ZFHX3: variants seen among roughly 807,000 people sequenced by gnomAD.
The protein encoded by ZFHX3 is zinc finger homeobox protein 3.
In ZFHX3, 42 loss-of-function variants were observed where a neutral mutation model predicts 279.1. The ratio of observed to expected loss-of-function variants is 0.15; its 90% CI spans 0.12 to 0.19. The LOEUF is 0.19. Among genes scored for constraint, ZFHX3 ranks in the 10% least tolerant of loss-of-function variants. The pLI is 1.00. For missense variants in ZFHX3, 4,981 were observed against 4,754.0 expected (o/e 1.05, Z -1.40); for synonymous variants, 2,293 against 1,957.8 (o/e 1.17, Z -4.52).
At chr16:73,890,056 T>G (rs1486484172) in intron 1 of ZFHX3, among the ~76,000 whole-genome samples, 1 of 152,158 alleles carries the variant, frequency 6.6e-6, no homozygotes, top group African/African-American at 2.4e-5. Flanking sequence ...ATTTCTATAC[T>G]GATTTGTCTA....
Position 72,957,794 on chromosome 16 carries a change from GGCTGCCGCCGCCGCC to G in ZFHX3, c.2337_2351del (p.Ala780_Ala784del). 1 of 1,610,812 alleles carries G rather than the reference GGCTGCCGCCGCCGCC, an allele frequency of 6.2e-7. No individual in the cohort carries two copies. The highest frequency in any genetic ancestry group is 8.5e-7 in the Non-Finnish European group (1 of 1,178,722). ...GGGCCCCGCAGGAGCTACTGATATT[GGCTGCCGCCGCCGCC>G]GCAGCCACCGCCGCCGCCGCCGCCC... On this transcript the variant is annotated inframe_deletion, in exon 2 of 10. Coordinates refer to ENST00000268489, the MANE Select transcript of ZFHX3 (RefSeq NM_006885.4).
chr16:72,909,836 C>CCACT (rs2144178883), intron 3 of ZFHX3, among the ~76,000 whole-genome samples: 1 of 146,394 alleles, frequency 6.8e-6, no homozygotes, highest in East Asian at 2.0e-4. Context: ...CAAGATCGTG[C>CCACT]CACTGCACTC....
intron 5 of ZFHX3, among the ~76,000 whole-genome samples, chr16:73,205,753 C>T (rs970416421): frequency 3.9e-5 from 6 of 152,144 alleles, no homozygotes; most frequent in Non-Finnish European, 2.9e-5. Context: ...GTCCTTAGCG[C>T]TCATCATTCT....
chr16:73,836,952 T>C (rs751994198), intron 1 of ZFHX3, among the ~76,000 whole-genome samples: 10 of 152,234 alleles, frequency 6.6e-5, no homozygotes, highest in Non-Finnish European at 1.0e-4. Context: ...TTCTCTGCCA[T>C]GTTATAACGT....
chr16:73,308,233 AT>A (rs2015229264), intron 4 of ZFHX3, among the ~76,000 whole-genome samples: 1 of 3,986 alleles, frequency 2.5e-4, no homozygotes. Flanking sequence ...GCATATATAT[AT>A]ATATATATAT....
chr16:72,914,081 C>T (rs1211472423), intron 3 of ZFHX3, among the ~76,000 whole-genome samples: 2 of 152,152 alleles, frequency 1.3e-5, no homozygotes, highest in Non-Finnish European at 2.9e-5. Flanking sequence ...TGAACCCAGG[C>T]CCCCTGGCTC....
At chr16:73,492,411 T>G (rs926390552) in intron 2 of ZFHX3, among the ~76,000 whole-genome samples, 2 of 152,186 alleles carry the variant, frequency 1.3e-5, no homozygotes. Flanking sequence ...TAATAATGGT[T>G]TACTGCTATT....
chr16:72,792,993 G>A (rs1299662553), intron 9 of ZFHX3, among the ~76,000 whole-genome samples: 1 of 152,212 alleles, frequency 6.6e-6, no homozygotes, highest in Non-Finnish European at 1.5e-5. Context: ...AAATTAGTAT[G>A]CCAGGACCCT....
At chr16:73,654,183 CAAAAAAAAA>C (rs35720246) in intron 2 of ZFHX3, among the ~76,000 whole-genome samples, 1 of 89,012 alleles carries the variant, frequency 1.1e-5, no homozygotes, top group Admixed American at 1.2e-4. Flanking sequence ...GACTCAGTCT[CAAAAAAAAA>C]AAAAAAAAGA....
Position 72,787,500 on chromosome 16 carries a change from G to T in ZFHX3, c.10776C>A (p.His3592Gln), listed in dbSNP as rs757719126. 12 of 1,613,838 alleles carry T rather than the reference G, an allele frequency of 7.4e-6. No individual in the cohort carries two copies. The South Asian group carries it at 1.3e-4, about 18-fold the overall frequency. ...STASTSQSAA[H>Q]SNDSPPPPSA... The stretch of plus-strand genomic sequence containing the variant: ...ACGGGGGAGGGGGGCTGTCGTTTGA[G>T]TGAGCGGCAGACTGCGAGGTAGATG... The change falls in exon 10 of 10, where the codon CAC (histidine) becomes CAA (glutamine). Residue 3592 changes from histidine (H) to glutamine (Q), a missense_variant. His to Gln is a conservative substitution (Grantham distance 24, BLOSUM62 0). Transcript: ENST00000268489.
intron 3 of ZFHX3, among the ~76,000 whole-genome samples, chr16:73,348,556 C>T (rs2143277932): frequency 6.6e-6 from 1 of 152,320 alleles, no homozygotes; most frequent in East Asian, 1.9e-4. Context: ...TACTGATGGG[C>T]TTCACCCGGA....
chr16:73,349,274 C>T (rs1437728410), intron 3 of ZFHX3, among the ~76,000 whole-genome samples: 2 of 152,170 alleles, frequency 1.3e-5, no homozygotes, highest in Non-Finnish European at 2.9e-5. Context: ...TGTCACACAC[C>T]ATCCTCACAC....
intron 5 of ZFHX3, among the ~76,000 whole-genome samples, chr16:73,154,265 A>G (rs1967018668): frequency 6.6e-6 from 1 of 152,060 alleles, no homozygotes; most frequent in African/African-American, 2.4e-5. Context: ...CACAGATCTC[A>G]GTGTTGTCTT....
chr16:73,193,563 G>T (rs1389184453), intron 5 of ZFHX3, among the ~76,000 whole-genome samples: 1 of 152,122 alleles, frequency 6.6e-6, no homozygotes, highest in Non-Finnish European at 1.5e-5. Context: ...GCAAGTTAAG[G>T]TATATATTAT....
chr16:73,769,889 C>A (rs2053998174), intron 1 of ZFHX3, among the ~76,000 whole-genome samples: 2 of 152,196 alleles, frequency 1.3e-5, no homozygotes, highest in African/African-American at 2.4e-5. Context: ...CCCCACTGCA[C>A]AGCTACAGCT....
At chr16:73,239,350 T>C (rs2013048824) in intron 5 of ZFHX3, among the ~76,000 whole-genome samples, 1 of 152,210 alleles carries the variant, frequency 6.6e-6, no homozygotes, top group African/African-American at 2.4e-5. Flanking sequence ...GTAGAAACTT[T>C]GGAGTTAATT....
chr16:73,365,666 A>T (rs1009236319), intron 3 of ZFHX3, among the ~76,000 whole-genome samples: 1 of 152,200 alleles, frequency 6.6e-6, no homozygotes, highest in Non-Finnish European at 1.5e-5. Flanking sequence ...CTCCACCTCT[A>T]CAGAAGCTGA....
chr16:73,127,557 G>A (rs1353927900), intron 7 of ZFHX3: 86 of 1,305,328 alleles, frequency 6.6e-5, no homozygotes, highest in Non-Finnish European at 8.2e-5. Context: ...GGGCTCAGCC[G>A]AGCTGACTGG....
At chr16:73,091,083 T>G (rs1597153220) in intron 8 of ZFHX3, among the ~76,000 whole-genome samples, 1 of 151,254 alleles carries the variant, frequency 6.6e-6, no homozygotes, top group South Asian at 2.1e-4. Flanking sequence ...TGGTGGCGGG[T>G]GCCTGTAGTC....
Sources: allele counts gnomAD v4.1 joint callset (sites outside exome capture counted in the v4.1 genomes callset), GRCh38; gene constraint gnomAD v4.1.1; transcripts MANE v1.5; gene names NCBI Gene and HGNC (gene_info 2026-07-23, HGNC 2026-07-21).